Variants in CLN8 observed in about 807,000 individuals in gnomAD.
CLN8 encodes CLN8 transmembrane ER and ERGIC protein, also known as protein CLN8.
Under a neutral mutation model 15.7 loss-of-function variants are expected in CLN8, and 14 were observed. That is an observed-to-expected ratio of 0.89 (90% confidence interval 0.59 to 1.39). The LOEUF is 1.39. CLN8 is among the 40% of genes most tolerant of loss of function. CLN8 has a pLI of 0.00. For missense variants in CLN8, 415 were observed against 364.0 expected (o/e 1.14, Z -1.14); for synonymous variants, 188 against 151.0 (o/e 1.25, Z -1.80).
upstream of CLN8, chr8:1,763,306 C>T (rs1467239953): frequency 2.0e-5 from 3 of 149,844 alleles, no homozygotes; most frequent in Admixed American, 2.0e-4. Flanking sequence ...GCCCCCATGC[C>T]GCCGCCCGCC....
intron 2 of CLN8, among the ~76,000 whole-genome samples, chr8:1,776,667 G>A (rs1356413731): frequency 2.0e-5 from 3 of 152,238 alleles, no homozygotes; most frequent in Non-Finnish European, 4.4e-5. Flanking sequence ...CTTGATAAAT[G>A]CTTGAGTGTC....
intron 2 of CLN8, among the ~76,000 whole-genome samples, chr8:1,775,036 G>A (rs1563110764): frequency 6.6e-6 from 1 of 152,086 alleles, no homozygotes; most frequent in Non-Finnish European, 1.5e-5. Flanking sequence ...ACATGTGTGT[G>A]TATATATATG....
At chr8:1,775,957 G>A (rs544376975) in intron 2 of CLN8, among the ~76,000 whole-genome samples, 3 of 152,020 alleles carry the variant, frequency 2.0e-5, no homozygotes, top group East Asian at 3.9e-4. Flanking sequence ...CATGTGGTGC[G>A]GCACACACGA....
At chr8:1,769,261 T>C (rs1801204601) in intron 1 of CLN8, among the ~76,000 whole-genome samples, 1 of 152,212 alleles carries the variant, frequency 6.6e-6, no homozygotes, top group Admixed American at 6.5e-5. Flanking sequence ...CTCACATTCT[T>C]TGCATGCTTG....
intron 2 of CLN8, among the ~76,000 whole-genome samples, chr8:1,772,196 A>C (rs557759582): frequency 7.8e-4 from 118 of 152,202 alleles, no homozygotes; most frequent in South Asian, 2.3e-3. Context: ...TGGGCCTCCC[A>C]AAGTGCTGGA....
rs1156569423 is a variant in CLN8 at position 1,767,565 on chromosome 8, C to CTTTTT, written c.-123-3347_-123-3343dup. Among the ~76,000 whole-genome samples the CTTTTT allele has an allele frequency of 7.5e-3, 612 of 81,292 alleles. 14 individuals are homozygous for CTTTTT. Among genetic ancestry groups the CTTTTT allele is most frequent in the Middle Eastern group, 0.015 (1 of 68 alleles). The allele number at this position is 81,292 out of a possible 152,430, so 53.3% of individuals were successfully genotyped here. On this transcript the variant is annotated intron_variant, in intron 1 of 2. Coordinates refer to ENST00000331222, the MANE Select transcript of CLN8 (RefSeq NM_018941.4). ...TTCCCGCTGCTCTGTATGTTTCTTT[C>CTTTTT]TTTTTTTTTTTTTTTTTTTTTTTTG...
intron 2 of CLN8, among the ~76,000 whole-genome samples, chr8:1,773,329 A>G (rs1340426434): frequency 6.6e-6 from 1 of 152,170 alleles, no homozygotes; most frequent in Non-Finnish European, 1.5e-5. Context: ...ATGGAAGTAG[A>G]TGGAGCCTAT....
intron 1 of CLN8, chr8:1,758,257 T>G (rs1188994678): frequency 2.0e-5 from 3 of 152,206 alleles, no homozygotes; most frequent in African/African-American, 7.2e-5. Flanking sequence ...AGGTTTAATT[T>G]TGCCACACTT....
intron 1 of CLN8, among the ~76,000 whole-genome samples, chr8:1,767,949 CT>C (rs56109121): frequency 3.3e-4 from 47 of 144,582 alleles, no homozygotes; most frequent in Admixed American, 6.2e-4. Context: ...TTCTTTCTTT[CT>C]TTTTTTTTTT....
intron 2 of CLN8, among the ~76,000 whole-genome samples, chr8:1,774,855 C>T (rs765339159): frequency 6.6e-6 from 1 of 152,148 alleles, no homozygotes; most frequent in Non-Finnish European, 1.5e-5. Context: ...GTCATAGTGG[C>T]ACACGTCTGT....
intron 2 of CLN8, among the ~76,000 whole-genome samples, chr8:1,779,122 C>CTTTG (rs1801623925): frequency 6.6e-6 from 1 of 152,184 alleles, no homozygotes; most frequent in African/African-American, 2.4e-5. Context: ...TGTGTATCAT[C>CTTTG]TTTGCACCAT....
chr8:1,756,187 A>G (rs906006524), intron 1 of CLN8: 3 of 152,190 alleles, frequency 2.0e-5, no homozygotes, highest in Non-Finnish European at 4.4e-5. Context: ...AATACACAAA[A>G]TTTCACTAAA....
At chr8:1,775,638 T>G (rs1469396575) in intron 2 of CLN8, among the ~76,000 whole-genome samples, 1 of 152,228 alleles carries the variant, frequency 6.6e-6, no homozygotes, top group African/African-American at 2.4e-5. Context: ...GGAGGAGAAC[T>G]TTTTGTGAAT....
rs1207781392 is a variant in CLN8 at position 1,765,920 on chromosome 8, CT to C, written c.-124+2043del. On this transcript the variant is annotated intron_variant, in intron 1 of 2. Coordinates refer to ENST00000331222, the MANE Select transcript of CLN8 (RefSeq NM_018941.4). Reference sequence around the variant, plus strand: ...GTTAGCAGGGAAAAAAGCATGCAACCTTTTTTTTCCCTTTTGACGTCACTTC... The same window carrying C: ...GTTAGCAGGGAAAAAAGCATGCAACCTTTTTTTCCCTTTTGACGTCACTTC... 5.9e-5 allele frequency among the ~76,000 whole-genome samples: 9 copies of C among 152,142 alleles called. No individual in the cohort carries two copies. In the South Asian group the frequency reaches 1.2e-3, roughly 21 times the overall value.
rs758068226 is a variant in CLN8 at position 1,771,148 on chromosome 8, T to C, written c.94T>C (p.Phe32Leu). 6.8e-6 allele frequency: 11 copies of C among 1,614,070 alleles called. No homozygotes were observed. The East Asian group carries it at 1.8e-4, about 26-fold the overall frequency. Residue 32 changes from phenylalanine (F) to leucine (L), a missense_variant, in exon 2 of 3, where the codon TTT becomes CTT. Phe to Leu is a conservative substitution (Grantham distance 22). Coordinates refer to ENST00000331222, the MANE Select transcript of CLN8 (RefSeq NM_018941.4). ...CCGCTCCACGCTGATGGTCGCTGGC[T>C]TTGTCTTCTACTTGGGCGTCTTTGT... ...GIRSTLMVAG[F>L]VFYLGVFVVC...
Position 1,781,574 on chromosome 8 carries a change from G to T in CLN8, c.*1007G>T, listed in dbSNP as rs2129015668. ...TAAATCATGGTACCTGTTTTAAAAT[G>T]AGAAGTTATTATTCATACTGTGTTG... On this transcript the variant is annotated 3_prime_UTR_variant, in exon 3 of 3. Transcript: ENST00000331222. 6.6e-6 allele frequency: 1 copy of T among 151,696 alleles called. No individual in the cohort carries two copies. Among genetic ancestry groups the T allele is most frequent in the African/African-American group, 2.4e-5 (1 of 41,350 alleles). The allele number at this position is 151,696 out of a possible 1,614,324, so 9.4% of individuals were successfully genotyped here.
intron 2 of CLN8, among the ~76,000 whole-genome samples, chr8:1,775,707 C>T (rs573426712): frequency 1.3e-5 from 2 of 152,280 alleles, no homozygotes; most frequent in South Asian, 4.1e-4. Flanking sequence ...GCTGAGTGCA[C>T]AGTGTACTGT....
rs1329588972 is a variant in CLN8, at chr8:1,783,596, CAG to C, written c.*3030_*3031del. The C allele has an allele frequency of 6.6e-6, 1 of 151,758 alleles. No homozygotes were observed. The highest frequency in any genetic ancestry group is 1.5e-5 in the Non-Finnish European group (1 of 68,078). 9.4% of individuals were successfully genotyped at this position (151,758 alleles called of 1,614,324 possible). A position where few individuals can be genotyped will look rare whatever the true frequency, so the allele number is the denominator to read the frequency against. On this transcript the variant is annotated 3_prime_UTR_variant, in exon 3 of 3. Coordinates refer to ENST00000331222, the MANE Select transcript of CLN8 (RefSeq NM_018941.4). ...AGTGACTGAAGACCAAGGGTTGGTG[CAG>C]CCTCCTCGCCGCGCTGCGGGGGCTG...
chr8:1,779,289 C>G (rs1474924572), intron 2 of CLN8, among the ~76,000 whole-genome samples: 1 of 152,192 alleles, frequency 6.6e-6, no homozygotes, highest in South Asian at 2.1e-4. Flanking sequence ...TTTCTCCAGA[C>G]TAGATTGCAG....
Sources: allele counts gnomAD v4.1 joint callset (sites outside exome capture counted in the v4.1 genomes callset), GRCh38; gene constraint gnomAD v4.1.1; transcripts MANE v1.5; gene names NCBI Gene and HGNC (gene_info 2026-07-23, HGNC 2026-07-21).